The following LRRC73 variants were observed in gnomAD, a reference collection of about 807,000 sequenced individuals.
LRRC73 encodes the protein leucine rich repeat containing 73, also known as leucine-rich repeat-containing protein 73.
In LRRC73, 16 loss-of-function variants were observed where a neutral mutation model predicts 26.4. The observed-to-expected ratio is 0.61, with a 90% CI of 0.41 to 0.92. The LOEUF (loss-of-function observed/expected upper bound fraction) is 0.92, where lower values mean the gene tolerates loss of function less well. Ranked by LOEUF, LRRC73 falls within the 40% of genes least tolerant of loss-of-function variation. LRRC73 has a pLI of 0.00. For missense variants in LRRC73, 344 were observed against 416.3 expected, an observed-to-expected ratio of 0.83 and a Z score of 1.51; for synonymous variants, 210 against 179.8, an observed-to-expected ratio of 1.17 and a Z score of -1.34.
exon 1 of LRRC73, chr6:43,509,714 G>T (rs1792606513): frequency 6.3e-7 from 1 of 1,591,580 alleles, no homozygotes. Context: ...TGTCGCGAAG[G>T]CCGCGGCAGA....
exon 6 of LRRC73, chr6:43,507,054 C>T (rs1792511243): frequency 3.1e-6 from 2 of 639,740 alleles, no homozygotes; most frequent in Admixed American, 2.7e-5. Flanking sequence ...AAGTGCCCCC[C>T]AAGGCTGTTG....
exon 1 of LRRC73, chr6:43,509,870 G>C: frequency 7.9e-7 from 1 of 1,266,736 alleles, no homozygotes; most frequent in Non-Finnish European, 1.0e-6. Context: ...GGCCGGGGTC[G>C]GGGCCCCGGC....
chr6:43,507,549 C>G, exon 5 of LRRC73: 2 of 1,613,984 alleles, frequency 1.2e-6, no homozygotes, highest in South Asian at 1.1e-5. Context: ...CCTCCTGCCA[C>G]TTCCTCCTCC....
chr6:43,508,820 G>A, exon 2 of LRRC73: 1 of 1,613,136 alleles, frequency 6.2e-7, no homozygotes, highest in East Asian at 2.2e-5. Flanking sequence ...TCATCACCCA[G>A]CATGCAGTCC....
At position 43,507,324 on chromosome 6, in the gene LRRC73, G is replaced by T. The variant is rs150539051; in HGVS notation, c.881-16C>A. On this transcript the variant is annotated splice_polypyrimidine_tract_variant and intron_variant, in intron 5 of 5. Coordinates refer to ENST00000372441, the Ensembl canonical transcript of LRRC73. ...GAGCTGGGATCTGTGGAAGGGCAGA[G>T]AAGTGTTCAGACCACCATTCCTTCC... 2 of 1,613,842 alleles carry T rather than the reference G, an allele frequency of 1.2e-6. No homozygotes were observed. Among genetic ancestry groups the T allele is most frequent in the Non-Finnish European group, 1.7e-6 (2 of 1,179,926 alleles).
intron 2 of LRRC73, 38 bp from the exon 3 acceptor site, chr6:43,508,458 G>A (rs536862306): frequency 1.6e-5 from 25 of 1,612,170 alleles, no homozygotes; most frequent in Admixed American, 1.0e-4. Context: ...AATAGGGAGG[G>A]TTAAGCCCTC....
chr6:43,507,843 T>C, exon 4 of LRRC73: 1 of 1,613,842 alleles, frequency 6.2e-7, no homozygotes, highest in Non-Finnish European at 8.5e-7. Flanking sequence ...GACTGGTTGG[T>C]GAGCCCTGTG....
chr6:43,507,253 A>G (rs2127680183), exon 6 of LRRC73: 2 of 1,613,926 alleles, frequency 1.2e-6, no homozygotes, highest in East Asian at 4.5e-5. Flanking sequence ...TCTCGGTCTC[A>G]GCCAACAGAC....
chr6:43,509,624 C>G (rs780723385), exon 1 of LRRC73: 1 of 1,604,016 alleles, frequency 6.2e-7, no homozygotes, highest in Admixed American at 1.7e-5. Flanking sequence ...GGGACGTGGC[C>G]CCGGCCAGGG....
intron 4 of LRRC73, 44 bp downstream of exon 4, chr6:43,507,782 T>A (rs1204062353): frequency 6.2e-7 from 1 of 1,601,352 alleles, no homozygotes; most frequent in South Asian, 1.1e-5. Flanking sequence ...TAAACTAACC[T>A]CCACCCCATC....
exon 1 of LRRC73, chr6:43,509,985 G>C (rs548741616): frequency 3.4e-4 from 125 of 370,532 alleles, no homozygotes; most frequent in African/African-American, 2.5e-3. Flanking sequence ...TACCGGGACT[G>C]AGCCGGAGCC....
chr6:43,508,341 G>A (rs761441883), exon 3 of LRRC73: 5 of 1,613,494 alleles, frequency 3.1e-6, no homozygotes, highest in Non-Finnish European at 4.2e-6. Flanking sequence ...CCTGGGAGCT[G>A]TGGGCCACGG....
intron 3 of LRRC73, 89 bp from the exon 4 acceptor site, chr6:43,508,015 C>G (rs878972768): frequency 1.7e-6 from 2 of 1,192,508 alleles, no homozygotes; most frequent in South Asian, 2.8e-5. Context: ...ACTTTAGATA[C>G]TAATCCCTGG....
At position 43,509,494 on chromosome 6, in the gene LRRC73, T is replaced by C. The variant is rs200951638; in HGVS notation, c.272+20A>G. On this transcript the variant is annotated intron_variant, in intron 1 of 5. Transcript: ENST00000372441. ...GAAGGGTGCAGTGCCCGGGACCCCCTTGCGAGGGGGCGCACTCACAAGAGG... is the reference window on the plus strand; with the variant it reads ...GAAGGGTGCAGTGCCCGGGACCCCCCTGCGAGGGGGCGCACTCACAAGAGG... The C allele has an allele frequency of 2.5e-6, 4 of 1,590,802 alleles. No individual in the cohort carries two copies. In the East Asian group the frequency reaches 6.8e-5, roughly 27 times the overall value.
In LRRC73 at chr6:43,508,624, C is replaced by A. The variant is rs1792578602; in HGVS notation, c.433+136G>T. ...CCTGAGTCTCCATGCTGCCCCCCGT[C>A]CTGCCCCTTCCTGAGAGGAGTAGAA... On this transcript the variant is annotated intron_variant, in intron 2 of 5. Coordinates refer to ENST00000372441, the Ensembl canonical transcript of LRRC73. The A allele has an allele frequency of 2.1e-6, 3 of 1,406,826 alleles. No individual in the cohort carries two copies. In the East Asian group the frequency reaches 6.9e-5, roughly 32 times the overall value. 87.1% of individuals were successfully genotyped at this position (1,406,826 alleles called of 1,614,324 possible). A position where few individuals can be genotyped will look rare whatever the true frequency, so the allele number is the denominator to read the frequency against.
At chr6:43,508,625 C>T in intron 2 of LRRC73, 135 bp downstream of exon 2, 1 of 1,411,384 alleles carries the variant, frequency 7.1e-7, no homozygotes, top group Non-Finnish European at 9.7e-7. Flanking sequence ...GCCCCCCGTC[C>T]TGCCCCTTCC....
chr6:43,508,373 C>A (rs1266988713), exon 3 of LRRC73: 1 of 1,613,696 alleles, frequency 6.2e-7, no homozygotes, highest in East Asian at 2.2e-5. Flanking sequence ...CGGCTCCAGC[C>A]CTTAGGGGTG....
exon 1 of LRRC73, chr6:43,509,657 G>T (rs776851732): frequency 1.9e-6 from 3 of 1,597,588 alleles, no homozygotes; most frequent in South Asian, 2.2e-5. Flanking sequence ...GGCCAAAGTC[G>T]CGGTCGCAGA....
chr6:43,507,101 C>T, exon 6 of LRRC73: 2 of 850,518 alleles, frequency 2.4e-6, no homozygotes, highest in Non-Finnish European at 3.7e-6. Context: ...TCCCACCACA[C>T]TGCCAGGAGC....
Sources: allele counts gnomAD v4.1 joint callset, GRCh38; gene constraint gnomAD v4.1.1; transcripts MANE v1.5; gene names NCBI Gene and HGNC (gene_info 2026-07-23, HGNC 2026-07-21).